Variants in OSBPL10 observed in about 807,000 individuals in gnomAD.
The protein encoded by OSBPL10 is oxysterol binding protein like 10, also known as oxysterol-binding protein-related protein 10.
OSBPL10 carries 49 observed loss-of-function variants against 81.7 expected under a neutral mutation model. The observed-to-expected ratio is 0.60, with a 90% CI of 0.48 to 0.76. The LOEUF (loss-of-function observed/expected upper bound fraction) is 0.76. OSBPL10 is among the 30% of genes least tolerant of loss of function. The probability of loss-of-function intolerance (pLI) is 0.00; values close to 1 mark genes in which losing one functional copy is unlikely to be tolerated. For missense variants in OSBPL10, 923 were observed against 987.8 expected, an observed-to-expected ratio of 0.93 and a Z score of 0.88; for synonymous variants, 419 against 383.6, an observed-to-expected ratio of 1.09 and a Z score of -1.08.
chr3:31,896,377 T>C (rs1027358892), intron 1 of OSBPL10, among the ~76,000 whole-genome samples: 1 of 152,236 alleles, frequency 6.6e-6, no homozygotes, highest in Non-Finnish European at 1.5e-5. Context: ...ATGACATTTA[T>C]TTTCTGCAAA....
intron 1 of OSBPL10, among the ~76,000 whole-genome samples, chr3:31,933,320 A>G (rs1487778885): frequency 2.0e-5 from 3 of 152,142 alleles, no homozygotes; most frequent in Admixed American, 6.5e-5. Flanking sequence ...CTCATTTGCT[A>G]AGGGCCACTT....
intron 8 of OSBPL10, among the ~76,000 whole-genome samples, chr3:31,676,747 T>G (rs1162089968): frequency 6.6e-6 from 1 of 152,238 alleles, no homozygotes; most frequent in African/African-American, 2.4e-5. Flanking sequence ...TTACCAGGCA[T>G]TGATTCAGGC....
At chr3:32,039,425 G>C (rs1699550682) in intron 2 of OSBPL10, among the ~76,000 whole-genome samples, 1 of 151,126 alleles carries the variant, frequency 6.6e-6, no homozygotes. Flanking sequence ...GGGAGGCCGA[G>C]GCGGGCAGAT....
At chr3:31,721,761 A>G (rs1409268318) in intron 6 of OSBPL10, 3 of 152,106 alleles carry the variant, frequency 2.0e-5, no homozygotes, top group Admixed American at 6.5e-5. Context: ...CATATCTACA[A>G]ATAAAGATAA....
chr3:31,743,533 A>G (rs988813775), intron 5 of OSBPL10, among the ~76,000 whole-genome samples: 5 of 152,242 alleles, frequency 3.3e-5, no homozygotes, highest in African/African-American at 1.2e-4. Context: ...AAACAAAAAC[A>G]GCGTAATGAG....
chr3:31,861,397 T>C (rs1259291277), intron 3 of OSBPL10, among the ~76,000 whole-genome samples: 1 of 152,220 alleles, frequency 6.6e-6, no homozygotes, highest in African/African-American at 2.4e-5. Flanking sequence ...GTAAATGCTA[T>C]GTAAACAGTT....
At chr3:31,667,952 C>T (rs1559406122) in intron 10 of OSBPL10, among the ~76,000 whole-genome samples, 1 of 152,238 alleles carries the variant, frequency 6.6e-6, no homozygotes, top group Non-Finnish European at 1.5e-5. Flanking sequence ...ACCATAGTCA[C>T]AGCATAGATA....
chr3:31,828,514 A>G (rs1700152580), intron 4 of OSBPL10, among the ~76,000 whole-genome samples: 1 of 152,138 alleles, frequency 6.6e-6, no homozygotes, highest in Non-Finnish European at 1.5e-5. Flanking sequence ...ACGTAACACA[A>G]TTAAGCTAAT....
In OSBPL10 at chr3:31,661,597, A is replaced by G. The variant is rs1168443652; in HGVS notation, c.*475T>C. 1 of 152,406 alleles carries G rather than the reference A, an allele frequency of 6.6e-6. No homozygotes were observed. The highest frequency in any genetic ancestry group is 1.5e-5 in the Non-Finnish European group (1 of 68,186). 9.4% of individuals were successfully genotyped at this position (152,406 alleles called of 1,614,324 possible). ...TGAAATGATAACCACCCATACTTCT[A>G]CCAGGAATGAGCCACTTTCTCCCTT... is the stretch of plus-strand genomic sequence containing the variant. On this transcript the variant is annotated 3_prime_UTR_variant, in exon 12 of 12. Transcript: ENST00000396556.
chr3:31,733,244 A>G lies in OSBPL10; in HGVS notation c.1095+13T>C, dbSNP rs1697031374. The stretch of plus-strand genomic sequence containing the variant: ...CACAAGCCATGAATGCACTGAGAGG[A>G]CTGCACGCTTACCTCTGGCTCTGGC... On this transcript the variant is annotated intron_variant, in intron 6 of 11. Transcript: ENST00000396556. The G allele has an allele frequency of 6.2e-7, 1 of 1,611,486 alleles. No individual in the cohort carries two copies. The highest frequency in any genetic ancestry group is 1.3e-5 in the African/African-American group (1 of 74,676).
chr3:31,873,539 A>G (rs1404921494), intron 3 of OSBPL10, among the ~76,000 whole-genome samples: 1 of 152,152 alleles, frequency 6.6e-6, no homozygotes, highest in African/African-American at 2.4e-5. Context: ...GAATTATAGC[A>G]CCATTTTACC....
intron 1 of OSBPL10, among the ~76,000 whole-genome samples, chr3:31,973,998 G>A (rs1056395172): frequency 7.2e-5 from 11 of 152,112 alleles, no homozygotes; most frequent in African/African-American, 1.4e-4. Context: ...ATAATACACC[G>A]TGTCTCTATA....
intron 5 of OSBPL10, among the ~76,000 whole-genome samples, chr3:31,747,271 T>C (rs1048209385): frequency 2.6e-5 from 4 of 151,896 alleles, no homozygotes. Context: ...TGAGCCGAGA[T>C]TGTGCCACTG....
chr3:31,753,606 G>T (rs538314454), intron 4 of OSBPL10, among the ~76,000 whole-genome samples: 12 of 152,114 alleles, frequency 7.9e-5, no homozygotes, highest in African/African-American at 2.9e-4. Flanking sequence ...TTTTCCAGGG[G>T]ACTCCATCCC....
chr3:31,802,493 G>GGT (rs1029014753), intron 4 of OSBPL10, among the ~76,000 whole-genome samples: 27 of 148,058 alleles, frequency 1.8e-4, no homozygotes, highest in South Asian at 1.1e-3. Flanking sequence ...TTGAACCCAG[G>GGT]AGGTGGAGGT....
chr3:31,991,035 C>T, intron 2 of OSBPL10: 1 of 1,467,978 alleles, frequency 6.8e-7, no homozygotes, highest in South Asian at 1.4e-5. Flanking sequence ...GTTCCAAATG[C>T]AATGAGTATA....
At chr3:31,701,219 C>T (rs1054874247) in intron 7 of OSBPL10, among the ~76,000 whole-genome samples, 2 of 152,142 alleles carry the variant, frequency 1.3e-5, no homozygotes, top group African/African-American at 2.4e-5. Context: ...CTGCCTAGTC[C>T]GAGATGAGAT....
chr3:31,913,465 G>A (rs978087636), intron 1 of OSBPL10, among the ~76,000 whole-genome samples: 3 of 152,012 alleles, frequency 2.0e-5, no homozygotes, highest in African/African-American at 7.2e-5. Context: ...AGCCAGGATG[G>A]TCTCGATCTC....
intron 2 of OSBPL10, among the ~76,000 whole-genome samples, chr3:32,013,068 T>C (rs1003443643): frequency 2.0e-5 from 3 of 152,150 alleles, no homozygotes; most frequent in African/African-American, 7.2e-5. Context: ...ATCCAGGAAT[T>C]GAACTCAGCT....
Sources: allele counts gnomAD v4.1 joint callset (sites outside exome capture counted in the v4.1 genomes callset), GRCh38; gene constraint gnomAD v4.1.1; transcripts MANE v1.5; gene names NCBI Gene and HGNC (gene_info 2026-07-23, HGNC 2026-07-21).